The following CCDC33 variants were observed in gnomAD, a reference collection of about 807,000 sequenced individuals.
CCDC33 encodes the protein coiled-coil domain-containing protein 33.
Under a neutral mutation model 91.9 loss-of-function variants are expected in CCDC33, and 94 were observed. The ratio of observed to expected loss-of-function variants is 1.02; its 90% CI spans 0.87 to 1.21. The LOEUF (loss-of-function observed/expected upper bound fraction) is 1.21. Ranked by LOEUF, CCDC33 falls within the 50% of genes most tolerant of loss-of-function variation. The probability of loss-of-function intolerance (pLI) is 0.00; values close to 1 mark genes in which losing one functional copy is unlikely to be tolerated. For missense variants in CCDC33, 940 were observed against 935.5 expected (o/e 1.00, Z -0.06); for synonymous variants, 396 against 374.5 (o/e 1.06, Z -0.66).
chr15:74,282,114 G>A (rs1031915801), intron 10 of CCDC33, among the ~76,000 whole-genome samples: 3 of 152,202 alleles, frequency 2.0e-5, no homozygotes, highest in African/African-American at 4.8e-5. Context: ...CACTGGGATC[G>A]AGGTTCTGCA....
chr15:74,302,083 C>T (rs2059806456), intron 11 of CCDC33: 1 of 152,204 alleles, frequency 6.6e-6, no homozygotes, highest in Non-Finnish European at 1.5e-5. Context: ...TTTTGAAAGC[C>T]TTTCCCCCTC....
Position 74,240,158 on chromosome 15 carries a change from C to G in CCDC33, c.21+3418C>G, listed in dbSNP as rs565897834. On this transcript the variant is annotated intron_variant, in intron 1 of 18. Transcript: ENST00000398814. ...CAGGAGGCGCCAGCCTGGCAGTTGGCCTCATGCCCAGAACTGAAACACAAT... is the reference window on the plus strand; with the variant it reads ...CAGGAGGCGCCAGCCTGGCAGTTGGGCTCATGCCCAGAACTGAAACACAAT... Among the ~76,000 whole-genome samples, 23 of 152,372 alleles carry G rather than the reference C, an allele frequency of 1.5e-4. No homozygotes were observed. The East Asian group carries it at 4.4e-3, about 29-fold the overall frequency.
At chr15:74,223,397 T>G (rs1209246420) in intron 2 of CCDC33, among the ~76,000 whole-genome samples, 2 of 151,994 alleles carry the variant, frequency 1.3e-5, no homozygotes, top group African/African-American at 4.8e-5. Flanking sequence ...GGTACTGGGG[T>G]TCCCCCTCCT....
At chr15:74,275,673 C>G (rs1033313417) in intron 7 of CCDC33, among the ~76,000 whole-genome samples, 5 of 151,966 alleles carry the variant, frequency 3.3e-5, no homozygotes, top group Non-Finnish European at 5.9e-5. Context: ...TAAGAGGCAG[C>G]CTCTCTTTTT....
chr15:74,266,859 C>T (rs1324027213), intron 4 of CCDC33, 72 bp downstream of exon 4: 40 of 1,166,980 alleles, frequency 3.4e-5, no homozygotes, highest in Admixed American at 1.9e-4. Flanking sequence ...GCTATTCCCT[C>T]GGAGCAGCCC....
At chr15:74,248,067 A>G (rs2075593168) in intron 2 of CCDC33, among the ~76,000 whole-genome samples, 1 of 151,668 alleles carries the variant, frequency 6.6e-6, no homozygotes, top group African/African-American at 2.4e-5. Flanking sequence ...ACAGAGTGAG[A>G]CTCCGTCTAA....
At chr15:74,323,174 C>T (rs924524669) in intron 11 of CCDC33, among the ~76,000 whole-genome samples, 1 of 152,160 alleles carries the variant, frequency 6.6e-6, no homozygotes, top group Non-Finnish European at 1.5e-5. Flanking sequence ...ACCTTACCCA[C>T]AGCACCCAGC....
chr15:74,212,633 T>G (rs1425782218), upstream of CCDC33: 1 of 152,200 alleles, frequency 6.6e-6, no homozygotes, highest in Non-Finnish European at 1.5e-5. Context: ...ACGAGGCTTC[T>G]AATTTTGTTT....
rs886656445 is a variant in CCDC33 at position 74,266,695 on chromosome 15, G to T, written c.337G>T (p.Val113Leu). ...AGQEDVILKV[V>L]DNRKKQELLS... ...CTTTCCAGATGTGATCCTCAAGGTGGTGGACAACAGAAAGAAACAGGAGTT... is the reference window on the plus strand; with the variant it reads ...CTTTCCAGATGTGATCCTCAAGGTGTTGGACAACAGAAAGAAACAGGAGTT... Residue 113 changes from valine (V) to leucine (L), a missense_variant, in exon 4 of 19, where the codon GTG (valine) becomes TTG (leucine). By Grantham distance (32) the Val-to-Leu change is conservative. Coordinates refer to ENST00000398814, the MANE Select transcript of CCDC33 (RefSeq NM_025055.5). 9 of 1,613,794 alleles carry T rather than the reference G, an allele frequency of 5.6e-6. No individual in the cohort carries two copies. In the South Asian group the frequency reaches 9.9e-5, roughly 18 times the overall value.
At chr15:74,266,832 C>T (rs1359641299) in intron 4 of CCDC33, 45 bp downstream of exon 4, 2 of 1,398,850 alleles carry the variant, frequency 1.4e-6, no homozygotes, top group South Asian at 2.3e-5. Context: ...AGGTGGGAAC[C>T]ACCTTGAATG....
At chr15:74,247,913 T>C (rs351148) in intron 2 of CCDC33, among the ~76,000 whole-genome samples, 150,553 of 152,164 alleles carry the variant, frequency 0.99, 74,512 homozygotes, top group East Asian at 1. Flanking sequence ...CCCATCTCTA[T>C]TAAAAATACA....
At chr15:74,256,220 C>T (rs778209465) in intron 2 of CCDC33, among the ~76,000 whole-genome samples, 1 of 152,156 alleles carries the variant, frequency 6.6e-6, no homozygotes, top group Non-Finnish European at 1.5e-5. Flanking sequence ...GTATCGGAGC[C>T]CCTCAGGAGG....
At chr15:74,247,115 A>C (rs539778196) in intron 2 of CCDC33, among the ~76,000 whole-genome samples, 2 of 151,988 alleles carry the variant, frequency 1.3e-5, no homozygotes, top group African/African-American at 4.8e-5. Flanking sequence ...ACTGCACTCC[A>C]GCCTGGGCAA....
At chr15:74,295,192 T>C (rs2059661327) in intron 10 of CCDC33, among the ~76,000 whole-genome samples, 1 of 152,240 alleles carries the variant, frequency 6.6e-6, no homozygotes, top group Non-Finnish European at 1.5e-5. Context: ...ACCAAAAATG[T>C]ATTGAGTGCC....
intron 10 of CCDC33, among the ~76,000 whole-genome samples, chr15:74,288,281 T>A (rs1448801721): frequency 6.6e-6 from 1 of 152,186 alleles, no homozygotes; most frequent in Non-Finnish European, 1.5e-5. Flanking sequence ...CTACTGACAT[T>A]TGCAAACTAT....
At chr15:74,238,509 G>T (rs76337598) in intron 1 of CCDC33, among the ~76,000 whole-genome samples, 14,181 of 151,664 alleles carry the variant, frequency 0.094, 763 homozygotes, top group African/African-American at 0.14. Flanking sequence ...ATTGGATAAT[G>T]TTTATAGGTT....
intron 7 of CCDC33, among the ~76,000 whole-genome samples, chr15:74,275,883 G>A (rs2076436888): frequency 6.6e-6 from 1 of 152,198 alleles, no homozygotes; most frequent in Non-Finnish European, 1.5e-5. Flanking sequence ...TAACCAGGCT[G>A]ATCTTGAACT....
At chr15:74,292,171 C>T (rs1369909717) in intron 10 of CCDC33, among the ~76,000 whole-genome samples, 2 of 152,244 alleles carry the variant, frequency 1.3e-5, no homozygotes, top group Admixed American at 1.3e-4. Context: ...GGTGGGCCAG[C>T]AGCCCCCACC....
At chr15:74,208,828 C>CTTT in intron 1 of CCDC33, 1 of 989,096 alleles carries the variant, frequency 1.0e-6, no homozygotes, top group Non-Finnish European at 1.2e-6. Flanking sequence ...CTGACCTCTC[C>CTTT]CTTCCTTGTC....
Sources: gnomAD v4.1 joint callset for allele counts (sites outside exome capture counted in the v4.1 genomes callset) on GRCh38, gnomAD v4.1.1 for gene constraint, MANE v1.5 for transcripts, NCBI Gene and HGNC (gene_info 2026-07-23, HGNC 2026-07-21) for gene names.